The following ATP8A2 variants were observed in gnomAD, a reference collection of about 807,000 sequenced individuals.
ATP8A2 encodes the protein ATPase phospholipid transporting 8A2, also known as phospholipid-transporting ATPase IB.
Under a neutral mutation model 165.6 loss-of-function variants are expected in ATP8A2, and 100 were observed. The observed-to-expected ratio is 0.60, with a 90% CI of 0.51 to 0.71. The LOEUF (loss-of-function observed/expected upper bound fraction) is 0.71. Ranked by LOEUF, ATP8A2 falls within the 30% of genes least tolerant of loss-of-function variation. ATP8A2 has a pLI of 0.00. For synonymous variants in ATP8A2, 543 were observed against 548.8 expected, an observed-to-expected ratio of 0.99 and a Z score of 0.15; for missense variants, 1,227 against 1,479.5, an observed-to-expected ratio of 0.83 and a Z score of 2.80.
chr13:25,484,494 A>G (rs370043658), intron 2 of ATP8A2, among the ~76,000 whole-genome samples: 2 of 151,926 alleles, frequency 1.3e-5, no homozygotes, highest in Non-Finnish European at 2.9e-5. Context: ...ATAAAGGAAT[A>G]TTATTTATTT....
At chr13:25,718,651 T>A (rs1042137151) in intron 25 of ATP8A2, among the ~76,000 whole-genome samples, 1 of 152,144 alleles carries the variant, frequency 6.6e-6, no homozygotes, top group African/African-American at 2.4e-5. Context: ...CTAGGAAACA[T>A]CCTCCAAGAG....
At chr13:25,482,303 A>T (rs2036228700) in intron 2 of ATP8A2, among the ~76,000 whole-genome samples, 1 of 152,186 alleles carries the variant, frequency 6.6e-6, no homozygotes, top group South Asian at 2.1e-4. Flanking sequence ...TACCATTCAT[A>T]ATCCTACATT....
intron 24 of ATP8A2, among the ~76,000 whole-genome samples, chr13:25,640,799 A>C (rs1341684299): frequency 6.6e-6 from 1 of 152,090 alleles, no homozygotes; most frequent in East Asian, 1.9e-4. Context: ...GAGACACAAC[A>C]AAAAAAGAGA....
At chr13:25,511,279 A>G (rs568512593) in intron 2 of ATP8A2, among the ~76,000 whole-genome samples, 1 of 152,236 alleles carries the variant, frequency 6.6e-6, no homozygotes, top group Admixed American at 6.5e-5. Flanking sequence ...ATACACATTT[A>G]TATTATAACC....
At chr13:25,646,570 G>A (rs2137601208) in intron 24 of ATP8A2, among the ~76,000 whole-genome samples, 1 of 146,038 alleles carries the variant, frequency 6.8e-6, no homozygotes, top group Non-Finnish European at 1.5e-5. Context: ...GTAGAGAATT[G>A]CTTGAACCTG....
At chr13:25,647,019 C>G (rs1232573659) in intron 24 of ATP8A2, among the ~76,000 whole-genome samples, 1 of 152,154 alleles carries the variant, frequency 6.6e-6, no homozygotes, top group Non-Finnish European at 1.5e-5. Context: ...ACTTCTCTTT[C>G]CCCCATTTTA....
rs201478701 is a variant in ATP8A2, at chr13:25,412,033, AT to A, written c.76+39748del. On this transcript the variant is annotated intron_variant, in intron 1 of 36. Coordinates refer to ENST00000381655, the MANE Select transcript of ATP8A2 (RefSeq NM_016529.6). ...TACAGATTTCTTTTTAGCTGTAAAGATTTGTAGGGAATGTTGACAATAGTCT... is the reference window on the plus strand; with the variant it reads ...TACAGATTTCTTTTTAGCTGTAAAGATTGTAGGGAATGTTGACAATAGTCT... Among the ~76,000 whole-genome samples the A allele has an allele frequency of 8.9e-4, 135 of 152,164 alleles. 3 individuals carry two copies. In the East Asian group the frequency reaches 0.022, roughly 25 times the overall value.
chr13:25,554,511 ATGTGTGTGTGTGTGTGTATGTG>A (rs2038917451), intron 12 of ATP8A2, among the ~76,000 whole-genome samples: 2 of 141,236 alleles, frequency 1.4e-5, no homozygotes, highest in South Asian at 2.3e-4. Context: ...AATATAAATC[ATGTGTGTGTGTGTGTGTATGTG>A]TGTGTGTGTG....
chr13:25,658,872 A>G (rs2041990044), intron 24 of ATP8A2, among the ~76,000 whole-genome samples: 1 of 152,142 alleles, frequency 6.6e-6, no homozygotes, highest in Admixed American at 6.5e-5. Flanking sequence ...CTCCCTGATT[A>G]CAAAGAGTCA....
intron 25 of ATP8A2, among the ~76,000 whole-genome samples, chr13:25,731,614 T>C (rs2043647592): frequency 6.6e-6 from 1 of 152,226 alleles, no homozygotes; most frequent in African/African-American, 2.4e-5. Context: ...TGATATACGA[T>C]ATTTAGGCCT....
intron 1 of ATP8A2, among the ~76,000 whole-genome samples, chr13:25,395,174 C>T (rs1285174300): frequency 6.6e-6 from 1 of 152,106 alleles, no homozygotes; most frequent in African/African-American, 2.4e-5. Flanking sequence ...CGCTCCTGAA[C>T]CTAGGATGGT....
intron 24 of ATP8A2, among the ~76,000 whole-genome samples, chr13:25,635,436 C>T (rs758376849): frequency 6.6e-6 from 1 of 152,104 alleles, no homozygotes. Context: ...TGGCTGAGAT[C>T]GAGGATGTGA....
chr13:25,650,935 G>C (rs574266054), intron 24 of ATP8A2, among the ~76,000 whole-genome samples: 1 of 152,134 alleles, frequency 6.6e-6, no homozygotes, highest in South Asian at 2.1e-4. Flanking sequence ...AATGTAATTT[G>C]CCTATAGTGT....
chr13:25,979,043 G>GGTCTCTGTCACTAGACTAGTGACTA (rs576339599), intron 35 of ATP8A2, among the ~76,000 whole-genome samples: 368 of 151,300 alleles, frequency 2.4e-3, no homozygotes, highest in African/African-American at 8.4e-3. Context: ...CCCCTGACGT[G>GGTCTCTGTCACTAGACTAGTGACTA]GTCTCTGTCA....
In ATP8A2 at chr13:26,019,994, T is replaced by C. The variant is rs1957059856; in HGVS notation, c.*9T>C. 6.3e-7 allele frequency: 1 copy of C among 1,579,960 alleles called. No individual in the cohort carries two copies. Among genetic ancestry groups the C allele is most frequent in the South Asian group, 1.1e-5 (1 of 90,400 alleles). ...AATCCAGGAAGAAATAAGACATGAA[T>C]TTTCCTGACTGATCTTAGGAAAGAG... On this transcript the variant is annotated 3_prime_UTR_variant, in exon 37 of 37. Transcript: ENST00000381655.
intron 25 of ATP8A2, among the ~76,000 whole-genome samples, chr13:25,743,903 G>T (rs2138160354): frequency 6.6e-6 from 1 of 152,332 alleles, no homozygotes; most frequent in Admixed American, 6.5e-5. Flanking sequence ...TTAGTGGACT[G>T]CTCTGGGAAA....
intron 27 of ATP8A2, among the ~76,000 whole-genome samples, chr13:25,779,801 A>G (rs2044831136): frequency 6.6e-6 from 1 of 152,186 alleles, no homozygotes; most frequent in African/African-American, 2.4e-5. Flanking sequence ...AATGGGAGGA[A>G]TTTGCCTTAA....
intron 36 of ATP8A2, among the ~76,000 whole-genome samples, chr13:26,013,430 T>C (rs1246218663): frequency 6.6e-6 from 1 of 152,158 alleles, no homozygotes; most frequent in Non-Finnish European, 1.5e-5. Context: ...ATCCTAGAAC[T>C]TTCGGAGGCT....
intron 33 of ATP8A2, among the ~76,000 whole-genome samples, chr13:25,912,155 GACACACACACACAC>G (rs3056187): frequency 1.3e-4 from 19 of 141,148 alleles, no homozygotes; most frequent in Admixed American, 1.4e-4. Flanking sequence ...GAAAATGTGA[GACACACACACACAC>G]ACACACACAC....
Sources: allele counts gnomAD v4.1 joint callset (sites outside exome capture counted in the v4.1 genomes callset), GRCh38; gene constraint gnomAD v4.1.1; transcripts MANE v1.5; gene names NCBI Gene and HGNC (gene_info 2026-07-23, HGNC 2026-07-21).